The following ANK2 variants were observed in gnomAD, a reference collection of about 807,000 sequenced individuals.
ANK2 encodes the protein ankyrin-2.
In ANK2, 83 loss-of-function variants were observed where a neutral mutation model predicts 360.5. The observed-to-expected ratio is 0.23, with a 90% CI of 0.19 to 0.28. ANK2 has a LOEUF of 0.28. Ranked by LOEUF, ANK2 falls within the 10% of genes least tolerant of loss-of-function variation. ANK2 has a pLI of 1.00. For missense variants in ANK2, 4,201 were observed against 4,795.7 expected, an observed-to-expected ratio of 0.88 and a Z score of 3.66; for synonymous variants, 1,740 against 1,759.5, an observed-to-expected ratio of 0.99 and a Z score of 0.28.
At chr4:113,048,917 GACACACACACACACAC>G (rs55814667), upstream of ANK2, among the ~76,000 whole-genome samples, 11,828 of 139,294 alleles carry the variant, frequency 0.085, 510 homozygotes, top group Middle Eastern at 0.13. Flanking sequence ...CCCCTACCCA[GACACACACACACACAC>G]ACACACACAC....
chr4:112,791,003 G>A, the ANK2 span, among the ~76,000 whole-genome samples: 1 of 152,158 alleles, frequency 6.6e-6, no homozygotes, highest in Non-Finnish European at 1.5e-5. Context: ...CAAAGGATAT[G>A]GGAAGAATTG....
intron 1 of ANK2, among the ~76,000 whole-genome samples, chr4:112,822,141 G>A (rs1172871404): frequency 1.3e-5 from 2 of 150,530 alleles, no homozygotes; most frequent in African/African-American, 2.4e-5. Flanking sequence ...GGTGGCTTAC[G>A]TCTGTAATCT....
chr4:112,753,314 T>G, the ANK2 span, among the ~76,000 whole-genome samples: 1 of 152,254 alleles, frequency 6.6e-6, no homozygotes. Context: ...TATACAGCCA[T>G]GTGTCACTTA....
chr4:113,048,917 G>GACACACACAC (rs55814667), upstream of ANK2, among the ~76,000 whole-genome samples: 3 of 139,234 alleles, frequency 2.2e-5, no homozygotes, highest in Non-Finnish European at 4.7e-5. Flanking sequence ...CCCCTACCCA[G>GACACACACAC]ACACACACAC....
chr4:113,272,737 T>C (rs2058990330), intron 14 of ANK2, among the ~76,000 whole-genome samples: 1 of 152,194 alleles, frequency 6.6e-6, no homozygotes, highest in Non-Finnish European at 1.5e-5. Flanking sequence ...TTCTCAGCTA[T>C]GGATTAAAGA....
chr4:113,277,125 G>T (rs1000620249), intron 15 of ANK2, among the ~76,000 whole-genome samples: 3 of 152,196 alleles, frequency 2.0e-5, no homozygotes, highest in African/African-American at 7.2e-5. Flanking sequence ...ACATGTGTAG[G>T]AGAGCAGCCC....
the ANK2 span, among the ~76,000 whole-genome samples, chr4:112,705,736 G>A: frequency 6.6e-6 from 1 of 152,248 alleles, no homozygotes; most frequent in Admixed American, 6.5e-5. Context: ...TGAGCTCATG[G>A]CTCTCCTGGC....
At chr4:113,275,052 T>C (rs901104967) in intron 15 of ANK2, among the ~76,000 whole-genome samples, 1 of 152,240 alleles carries the variant, frequency 6.6e-6, no homozygotes, top group Non-Finnish European at 1.5e-5. Flanking sequence ...CTGTGAGTTA[T>C]AGTACCAGAT....
the ANK2 span, among the ~76,000 whole-genome samples, chr4:112,736,892 G>T: frequency 6.6e-5 from 10 of 152,296 alleles, no homozygotes; most frequent in Middle Eastern, 0.01. Context: ...AAGAGAAATA[G>T]TGACAGTAAT....
At chr4:112,851,445 C>T (rs939050969) in intron 1 of ANK2, among the ~76,000 whole-genome samples, 1 of 152,002 alleles carries the variant, frequency 6.6e-6, no homozygotes, top group Non-Finnish European at 1.5e-5. Context: ...GCATTTCTCC[C>T]ATACCTTCTG....
At chr4:113,372,831 G>A (rs1026882975) in intron 43 of ANK2, among the ~76,000 whole-genome samples, 7 of 152,194 alleles carry the variant, frequency 4.6e-5, no homozygotes, top group African/African-American at 1.7e-4. Flanking sequence ...GCAAGAGCAA[G>A]ACTTGGCTTC....
At chr4:113,121,267 A>G (rs1313985206) in intron 1 of ANK2, among the ~76,000 whole-genome samples, 1 of 152,174 alleles carries the variant, frequency 6.6e-6, no homozygotes, top group Non-Finnish European at 1.5e-5. Context: ...CATGTGGCAG[A>G]GTTGGGATTT....
chr4:112,956,357 CTTT>C (rs1176496392), intron 2 of ANK2, among the ~76,000 whole-genome samples: 1 of 151,522 alleles, frequency 6.6e-6, no homozygotes, highest in Non-Finnish European at 1.5e-5. Context: ...TTTTTTCCTT[CTTT>C]AAGTTGAGAA....
At chr4:112,931,354 T>C (rs2093204889) in intron 2 of ANK2, among the ~76,000 whole-genome samples, 1 of 152,078 alleles carries the variant, frequency 6.6e-6, no homozygotes, top group South Asian at 2.1e-4. Context: ...TTCAAGAAGC[T>C]GTAGGATTGC....
intron 2 of ANK2, among the ~76,000 whole-genome samples, chr4:113,189,651 C>T (rs2098619353): frequency 6.6e-6 from 1 of 152,206 alleles, no homozygotes; most frequent in Non-Finnish European, 1.5e-5. Flanking sequence ...AGGGCACACA[C>T]TGGAATCTGC....
At chr4:113,378,170 A>G in intron 45 of ANK2, 2 of 1,269,562 alleles carry the variant, frequency 1.6e-6, no homozygotes. Context: ...AGGATGGATC[A>G]ATAATTAAAA....
chr4:113,069,677 A>G (rs1009505940), intron 1 of ANK2, among the ~76,000 whole-genome samples: 7 of 152,186 alleles, frequency 4.6e-5, no homozygotes, highest in African/African-American at 1.7e-4. Flanking sequence ...CAAAAGGGTA[A>G]TGTTTCTCTT....
chr4:113,074,585 G>A lies in ANK2; in HGVS notation c.84+24773G>A, dbSNP rs547165183. On this transcript the variant is annotated intron_variant, in intron 1 of 45. Transcript: ENST00000357077. The stretch of plus-strand genomic sequence containing the variant: ...TTTGAAAAGTATGATGATTTAAAAG[G>A]AGAGGAAATTACATTTTTTTGAGGC... 5.9e-5 allele frequency among the ~76,000 whole-genome samples: 9 copies of A among 152,316 alleles called. No individual in the cohort carries two copies. The South Asian group carries it at 1.9e-3, about 32-fold the overall frequency.
At chr4:112,840,129 C>T (rs916398625) in intron 1 of ANK2, among the ~76,000 whole-genome samples, 16 of 152,150 alleles carry the variant, frequency 1.1e-4, no homozygotes, top group African/African-American at 3.9e-4. Context: ...GGCTTTAGAT[C>T]AAACATCTCT....
Sources: gnomAD v4.1 joint callset for allele counts (sites outside exome capture counted in the v4.1 genomes callset) on GRCh38, gnomAD v4.1.1 for gene constraint, MANE v1.5 for transcripts, NCBI Gene and HGNC (gene_info 2026-07-23, HGNC 2026-07-21) for gene names.